Variants in NUB1 observed in about 807,000 individuals in gnomAD.
NUB1 encodes negative regulator of ubiquitin like proteins 1.
A neutral mutation model predicts 77.1 loss-of-function variants in NUB1; 41 were observed. The ratio of observed to expected loss-of-function variants is 0.53; its 90% confidence interval spans 0.41 to 0.69. NUB1 has a LOEUF of 0.69. NUB1 is among the 30% of genes least tolerant of loss of function. The probability of loss-of-function intolerance (pLI) is 0.00; values close to 1 mark genes in which losing one functional copy is unlikely to be tolerated. For missense variants in NUB1, 643 were observed against 743.8 expected, an observed-to-expected ratio of 0.86 and a Z score of 1.58; for synonymous variants, 257 against 281.0, an observed-to-expected ratio of 0.91 and a Z score of 0.85.
chr7:151,349,295 C>A, intron 3 of NUB1, 55 bp downstream of exon 3: 2 of 1,384,598 alleles, frequency 1.4e-6, no homozygotes, highest in South Asian at 2.5e-5. Flanking sequence ...GTGATGAGGT[C>A]AAATAAATTG....
chr7:151,362,116 G>A (rs929866274), intron 8 of NUB1, among the ~76,000 whole-genome samples: 1 of 152,078 alleles, frequency 6.6e-6, no homozygotes, highest in Non-Finnish European at 1.5e-5. Context: ...ATAATTTTTA[G>A]GTCTCAGGGA....
chr7:151,360,301 A>G (rs534236477), intron 8 of NUB1, 54 bp downstream of exon 8: 3 of 911,660 alleles, frequency 3.3e-6, no homozygotes, highest in African/African-American at 1.7e-5. Context: ...GGCCCAGACT[A>G]TACAGAACAC....
intron 2 of NUB1, among the ~76,000 whole-genome samples, chr7:151,348,146 T>G (rs1796591670): frequency 6.6e-6 from 1 of 152,210 alleles, no homozygotes; most frequent in South Asian, 2.1e-4. Flanking sequence ...ATTTTTAGAT[T>G]AGAGATACTC....
At chr7:151,344,633 G>A (rs1369437842) in intron 1 of NUB1, among the ~76,000 whole-genome samples, 5 of 151,852 alleles carry the variant, frequency 3.3e-5, no homozygotes, top group South Asian at 2.1e-4. Flanking sequence ...ATTTATTATC[G>A]ATAGTTTACA....
At chr7:151,365,757 G>GAAA (rs572756794) in intron 8 of NUB1, among the ~76,000 whole-genome samples, 7 of 152,340 alleles carry the variant, frequency 4.6e-5, no homozygotes, top group African/African-American at 1.2e-4. Flanking sequence ...AATTAGAAAT[G>GAAA]TTGAGAGAGA....
At chr7:151,366,868 A>C (rs1797713572) in intron 8 of NUB1, 71 bp from the exon 9 acceptor site, 1 of 1,265,770 alleles carries the variant, frequency 7.9e-7, no homozygotes, top group African/African-American at 1.5e-5. Context: ...AGTCATTCAC[A>C]AAAAGGTTTC....
intron 1 of NUB1, among the ~76,000 whole-genome samples, chr7:151,342,126 G>A (rs970736701): frequency 2.4e-4 from 37 of 152,230 alleles, no homozygotes; most frequent in Admixed American, 1.3e-4. Flanking sequence ...TCGGTTTGGG[G>A]AGAGAAAGGA....
intron 2 of NUB1, among the ~76,000 whole-genome samples, chr7:151,346,598 C>T (rs1303336837): frequency 6.6e-6 from 1 of 152,192 alleles, no homozygotes; most frequent in Non-Finnish European, 1.5e-5. Context: ...AATGAAACTT[C>T]CATACAAACC....
At chr7:151,369,019 T>C (rs894543003) in intron 11 of NUB1, 132 bp downstream of exon 11, 2 of 1,083,394 alleles carry the variant, frequency 1.8e-6, no homozygotes, top group African/African-American at 3.2e-5. Context: ...GTCCTTTTTT[T>C]TTTCTTGAGA....
intron 8 of NUB1, among the ~76,000 whole-genome samples, chr7:151,364,988 T>A (rs1797596552): frequency 6.7e-6 from 1 of 150,108 alleles, no homozygotes; most frequent in Non-Finnish European, 1.5e-5. Context: ...TTTTTATTTT[T>A]ATAATTTTTT....
At chr7:151,358,876 AAC>A (rs1243747461) in intron 7 of NUB1, among the ~76,000 whole-genome samples, 1 of 151,374 alleles carries the variant, frequency 6.6e-6, no homozygotes, top group Non-Finnish European at 1.5e-5. Flanking sequence ...CATCCTGGCT[AAC>A]ACAATGAAAC....
Position 151,345,591 on chromosome 7 carries a change from G to A in NUB1, c.117+125G>A, listed in dbSNP as rs138601075. On this transcript the variant is annotated intron_variant, in intron 2 of 14. Coordinates refer to ENST00000568733, the MANE Select transcript of NUB1 (RefSeq NM_001243351.2). ...AACCAAAAGCATTAGTGGTGAGCGGGTACCCACTTTTTACTAGGAACTGAC... is the reference window on the plus strand; with the variant it reads ...AACCAAAAGCATTAGTGGTGAGCGGATACCCACTTTTTACTAGGAACTGAC... The A allele has an allele frequency of 1.4e-3, 741 of 516,370 alleles. 11 individuals carry two copies. Among genetic ancestry groups the A allele is most frequent in the African/African-American group, 0.014 (683 of 50,368 alleles). The allele number at this position is 516,370 out of a possible 1,614,324, so 32.0% of individuals were successfully genotyped here.
At chr7:151,355,453 C>G (rs1231047092) in intron 5 of NUB1, among the ~76,000 whole-genome samples, 1 of 152,164 alleles carries the variant, frequency 6.6e-6, no homozygotes, top group Non-Finnish European at 1.5e-5. Context: ...GTGGGAGGAT[C>G]ACTTGAGCCC....
chr7:151,364,465 T>G lies in NUB1; in HGVS notation c.801-2474T>G, dbSNP rs115819672. ...AACAAAAAAAAAAACAAAAAAACTG[T>G]AAGACAAACATAATAAATTTCTGTT... is the stretch of plus-strand genomic sequence containing the variant. On this transcript the variant is annotated intron_variant, in intron 8 of 14. Coordinates refer to ENST00000568733, the MANE Select transcript of NUB1 (RefSeq NM_001243351.2). 5.4e-3 allele frequency among the ~76,000 whole-genome samples: 820 copies of G among 151,452 alleles called. 12 individuals are homozygous for G. The highest frequency in any genetic ancestry group is 0.019 in the African/African-American group (779 of 41,306).
chr7:151,368,258 G>A (rs1362019566), intron 10 of NUB1, among the ~76,000 whole-genome samples: 2 of 152,164 alleles, frequency 1.3e-5, no homozygotes, highest in African/African-American at 2.4e-5. Context: ...CAGCCTCAGC[G>A]AGGCGTCCTA....
At chr7:151,359,772 G>A (rs10262974) in intron 7 of NUB1, among the ~76,000 whole-genome samples, 20,257 of 152,022 alleles carry the variant, frequency 0.13, 1,949 homozygotes, top group African/African-American at 0.28. Flanking sequence ...ATGAGACTCC[G>A]TCTCAAAAAA....
intron 7 of NUB1, among the ~76,000 whole-genome samples, chr7:151,357,188 T>C (rs1265192640): frequency 6.9e-6 from 1 of 144,724 alleles, no homozygotes; most frequent in Non-Finnish European, 1.5e-5. Context: ...AGCTAATTTT[T>C]TTTTTTTTTT....
At chr7:151,360,465 A>G (rs924155972) in intron 8 of NUB1, 35 of 465,086 alleles carry the variant, frequency 7.5e-5, no homozygotes, top group Non-Finnish European at 1.2e-4. Flanking sequence ...CAGGTAGGAT[A>G]TCCTCTCTTC....
intron 8 of NUB1, among the ~76,000 whole-genome samples, chr7:151,362,612 T>G (rs1797430342): frequency 6.6e-6 from 1 of 152,176 alleles, no homozygotes; most frequent in African/African-American, 2.4e-5. Context: ...TGGAGAAGTT[T>G]CAGGTTACGG....
Sources: gnomAD v4.1 joint callset for allele counts (sites outside exome capture counted in the v4.1 genomes callset) on GRCh38, gnomAD v4.1.1 for gene constraint, MANE v1.5 for transcripts, NCBI Gene and HGNC (gene_info 2026-07-23, HGNC 2026-07-21) for gene names.